The following SSC4D variants were observed in gnomAD, a reference collection of about 807,000 sequenced individuals.
The protein encoded by SSC4D is scavenger receptor cysteine-rich domain-containing group B protein.
In SSC4D, 57 loss-of-function variants were observed where a neutral mutation model predicts 63.4. The observed-to-expected ratio is 0.90, with a 90% CI of 0.73 to 1.12. SSC4D has a LOEUF of 1.12. SSC4D is among the 50% of genes most tolerant of loss of function. The pLI is 0.00. For synonymous variants in SSC4D, 352 were observed against 345.4 expected (o/e 1.02, Z -0.21); for missense variants, 791 against 806.4 (o/e 0.98, Z 0.23).
At chr7:76,402,200 T>TTTTTTTG (rs1804854753) in intron 2 of SSC4D, among the ~76,000 whole-genome samples, 1 of 148,606 alleles carries the variant, frequency 6.7e-6, no homozygotes, top group Non-Finnish European at 1.5e-5. Flanking sequence ...TTTTTTTTTT[T>TTTTTTTG]GAGACAGAGT....
rs1804772681 is a variant in SSC4D at position 76,400,277 on chromosome 7, T to A, written c.475+9A>T. The A allele has an allele frequency of 2.1e-6, 3 of 1,455,902 alleles. No homozygotes were observed. The highest frequency in any genetic ancestry group is 2.7e-6 in the Non-Finnish European group (3 of 1,099,172). 90.2% of individuals were successfully genotyped at this position (1,455,902 alleles called of 1,614,324 possible). On this transcript the variant is annotated intron_variant, in intron 4 of 10. Coordinates refer to ENST00000275560, the MANE Select transcript of SSC4D (RefSeq NM_080744.2). The stretch of plus-strand genomic sequence containing the variant: ...TGTCTGTCCCTCCAGGTCCCAGGGC[T>A]CCACTCACCATCACACAGGACAGCC...
chr7:76,402,868 T>C (rs1215405682), intron 2 of SSC4D, among the ~76,000 whole-genome samples: 1 of 152,130 alleles, frequency 6.6e-6, no homozygotes, highest in Non-Finnish European at 1.5e-5. Context: ...GGTTTCTGCA[T>C]GTTGGTCAGG....
intron 9 of SSC4D, among the ~76,000 whole-genome samples, chr7:76,392,353 C>G (rs1437313536): frequency 1.3e-5 from 2 of 152,052 alleles, no homozygotes; most frequent in African/African-American, 4.8e-5. Context: ...GTTCGTAGAC[C>G]AGCCTGGCCA....
intron 2 of SSC4D, among the ~76,000 whole-genome samples, chr7:76,401,886 C>G (rs1804841317): frequency 6.6e-6 from 1 of 152,190 alleles, no homozygotes; most frequent in Non-Finnish European, 1.5e-5. Flanking sequence ...CTCTGTGTCC[C>G]CAGACTCTCC....
At chr7:76,400,670 T>G in intron 3 of SSC4D, 79 bp from the exon 4 acceptor site, 1 of 1,353,718 alleles carries the variant, frequency 7.4e-7, no homozygotes, top group East Asian at 2.7e-5. Context: ...GTCCTTTTAT[T>G]TTATTATTAT....
chr7:76,406,794 A>T (rs1295760630), intron 1 of SSC4D, among the ~76,000 whole-genome samples: 1 of 151,790 alleles, frequency 6.6e-6, no homozygotes, highest in Non-Finnish European at 1.5e-5. Flanking sequence ...GAAAAAAAAA[A>T]AAATCTTCAA....
At chr7:76,391,926 A>G in intron 10 of SSC4D, 38 bp downstream of exon 10, 1 of 1,562,334 alleles carries the variant, frequency 6.4e-7, no homozygotes. Flanking sequence ...TAAGACCCCG[A>G]TGCCTCCACC....
intron 2 of SSC4D, 44 bp from the exon 3 acceptor site, chr7:76,401,087 A>G (rs991056735): frequency 4.7e-6 from 7 of 1,503,924 alleles, no homozygotes; most frequent in Middle Eastern, 1.7e-4. Context: ...TGCCCACACC[A>G]TGGCTCCCTG....
chr7:76,396,984 C>T (rs753123359), intron 6 of SSC4D, among the ~76,000 whole-genome samples: 1 of 152,174 alleles, frequency 6.6e-6, no homozygotes, highest in Non-Finnish European at 1.5e-5. Context: ...GAGTGTTACT[C>T]TAAAGTGGTC....
At position 76,407,149 on chromosome 7, in the gene SSC4D, C is replaced by T. The variant is rs528096301; in HGVS notation, c.-67+2265G>A. On this transcript the variant is annotated intron_variant, in intron 1 of 10. Transcript: ENST00000275560. Reference sequence around the variant, plus strand: ...CTAATTTTTGTATGTTCAGTAGAGACGGGGTTTCCCCATGTTGACCTGGCT... The same window carrying T: ...CTAATTTTTGTATGTTCAGTAGAGATGGGGTTTCCCCATGTTGACCTGGCT... 5.9e-5 allele frequency among the ~76,000 whole-genome samples: 9 copies of T among 152,060 alleles called. No homozygotes were observed. The South Asian group carries it at 8.3e-4, about 14-fold the overall frequency.
chr7:76,404,190 T>A, intron 2 of SSC4D, 117 bp downstream of exon 2: 1 of 1,380,714 alleles, frequency 7.2e-7, no homozygotes, highest in Non-Finnish European at 9.6e-7. Context: ...AAGGTCAGCA[T>A]TGGAAAGAAC....
In SSC4D at chr7:76,393,904, G is replaced by A. The variant is rs1804568342; in HGVS notation, c.947C>T (p.Ala316Val). ...EDWAWQTDPS[A>V]TGVGPQPSRE... ...GGAAGGCTGGGGGCCAACTCCTGTAGCTGTGGAGACAGGGCATCTAGGGCG... is the reference window on the plus strand; with the variant it reads ...GGAAGGCTGGGGGCCAACTCCTGTAACTGTGGAGACAGGGCATCTAGGGCG... The change falls in exon 8 of 11, where the codon GCT (alanine) becomes GTT (valine). Residue 316 changes from alanine to valine, a missense_variant and splice_region_variant. Physicochemically the swap from Ala to Val is moderately conservative, Grantham distance 64 (BLOSUM62 0). Transcript: ENST00000275560. 3 of 1,602,044 alleles carry A rather than the reference G, an allele frequency of 1.9e-6. No individual in the cohort carries two copies. Among genetic ancestry groups the A allele is most frequent in the Non-Finnish European group, 2.6e-6 (3 of 1,173,738 alleles).
chr7:76,394,774 A>ATG (rs1208871563), intron 7 of SSC4D, among the ~76,000 whole-genome samples: 115 of 108,996 alleles, frequency 1.1e-3, no homozygotes, highest in Middle Eastern at 5.7e-3. Flanking sequence ...TATATAAAAT[A>ATG]TGTATAATAT....
intron 5 of SSC4D, 94 bp from the exon 6 acceptor site, chr7:76,397,926 C>A: frequency 7.9e-7 from 1 of 1,258,096 alleles, no homozygotes; most frequent in Non-Finnish European, 1.1e-6. Context: ...GATCTACAAC[C>A]CTTGGGCATC....
In SSC4D at chr7:76,391,924, C is replaced by T. The variant is rs769791849; in HGVS notation, c.1411+40G>A. 117 of 1,557,580 alleles carry T rather than the reference C, an allele frequency of 7.5e-5. 1 individual carries two copies. The highest frequency in any genetic ancestry group is 1.4e-4 in the South Asian group (12 of 84,960). ...CCCCCAATCCAGGTCCTTAAGACCC[C>T]GATGCCTCCACCCACTTTCAGGGGA... On this transcript the variant is annotated intron_variant, in intron 10 of 10. Transcript: ENST00000275560.
chr7:76,407,391 G>A (rs972961961), intron 1 of SSC4D, among the ~76,000 whole-genome samples: 3 of 151,624 alleles, frequency 2.0e-5, no homozygotes, highest in Non-Finnish European at 4.4e-5. Flanking sequence ...GAGTGCAGTG[G>A]CACAATCTCG....
At chr7:76,409,123 G>A (rs1484835911) in intron 1 of SSC4D, among the ~76,000 whole-genome samples, 1 of 152,050 alleles carries the variant, frequency 6.6e-6, no homozygotes, top group African/African-American at 2.4e-5. Flanking sequence ...GACCCTTGAG[G>A]GTGGAAACCA....
At chr7:76,407,743 G>GA (rs528905216) in intron 1 of SSC4D, among the ~76,000 whole-genome samples, 14 of 151,216 alleles carry the variant, frequency 9.3e-5, no homozygotes, top group East Asian at 3.9e-4. Context: ...TAACTAAAAA[G>GA]AAAAAAAAAG....
At chr7:76,405,477 A>G (rs1968108) in intron 1 of SSC4D, among the ~76,000 whole-genome samples, 69,756 of 146,768 alleles carry the variant, frequency 0.48, 17,225 homozygotes, top group African/African-American at 0.59. Context: ...CCACCGTGCC[A>G]GCCCAGAACA....
Sources: allele counts gnomAD v4.1 joint callset (sites outside exome capture counted in the v4.1 genomes callset), GRCh38; gene constraint gnomAD v4.1.1; transcripts MANE v1.5; gene names NCBI Gene and HGNC (gene_info 2026-07-23, HGNC 2026-07-21).